FHIT: variants seen among roughly 807,000 people sequenced by gnomAD.
The protein encoded by FHIT is bis(5'-adenosyl)-triphosphatase.
In FHIT, 19 loss-of-function variants were observed where a neutral mutation model predicts 17.9. The ratio of observed to expected loss-of-function variants is 1.06; its 90% CI spans 0.74 to 1.56. FHIT has a LOEUF of 1.56. Among genes scored for constraint, FHIT ranks in the 40% most tolerant of loss-of-function variants. The pLI is 0.00. For missense variants in FHIT, 248 were observed against 189.2 expected (o/e 1.31, Z -1.82); for synonymous variants, 81 against 69.7 (o/e 1.16, Z -0.81).
chr3:60,973,246 A>G (rs1710098723), intron 3 of FHIT, among the ~76,000 whole-genome samples: 2 of 152,148 alleles, frequency 1.3e-5, no homozygotes, highest in Admixed American at 1.3e-4. Context: ...TGAGGCTGGT[A>G]TATTTCCAGT....
At chr3:60,608,588 T>A (rs76294372) in intron 4 of FHIT, among the ~76,000 whole-genome samples, 1 of 150,688 alleles carries the variant, frequency 6.6e-6, no homozygotes, top group Non-Finnish European at 1.5e-5. Context: ...TTATTTTTTT[T>A]CCCACCAGGA....
At chr3:60,065,719 G>C (rs888129888) in intron 5 of FHIT, among the ~76,000 whole-genome samples, 4 of 152,150 alleles carry the variant, frequency 2.6e-5, no homozygotes, top group Non-Finnish European at 4.4e-5. Flanking sequence ...AGGAAACTCT[G>C]CTCAGTTTGC....
At chr3:60,808,712 T>C (rs1701477767) in intron 4 of FHIT, among the ~76,000 whole-genome samples, 1 of 152,136 alleles carries the variant, frequency 6.6e-6, no homozygotes, top group Non-Finnish European at 1.5e-5. Context: ...ACTTTCCTTG[T>C]AAAGGTTAAA....
intron 5 of FHIT, among the ~76,000 whole-genome samples, chr3:60,397,994 C>T (rs543209616): frequency 6.6e-6 from 1 of 152,236 alleles, no homozygotes; most frequent in African/African-American, 2.4e-5. Context: ...AATTTTCCCA[C>T]TTTCGGGTAG....
At chr3:60,201,017 G>A (rs1313036283) in intron 5 of FHIT, among the ~76,000 whole-genome samples, 1 of 152,144 alleles carries the variant, frequency 6.6e-6, no homozygotes, top group Non-Finnish European at 1.5e-5. Flanking sequence ...CTAAAGTTCA[G>A]CTGGGAAGAC....
At chr3:60,087,804 TAAG>T (rs1157399590) in intron 5 of FHIT, among the ~76,000 whole-genome samples, 1 of 152,220 alleles carries the variant, frequency 6.6e-6, no homozygotes, top group Non-Finnish European at 1.5e-5. Flanking sequence ...AGCCATTCTC[TAAG>T]AAGTTCAACA....
intron 8 of FHIT, among the ~76,000 whole-genome samples, chr3:59,783,543 T>C (rs954409029): frequency 6.6e-6 from 1 of 152,178 alleles, no homozygotes; most frequent in Non-Finnish European, 1.5e-5. Flanking sequence ...CAGCCCTCTC[T>C]CTCTGCCATC....
Position 59,971,288 on chromosome 3 carries a change from C to T in FHIT, c.279+40083G>A, listed in dbSNP as rs1365205835. ...CTTTGATTAGCAGGTGCTTTGATAG[C>T]TGCAAGAATATTTTTTCTCAAAAAT... is the stretch of plus-strand genomic sequence containing the variant. On this transcript the variant is annotated intron_variant, in intron 7 of 9. Transcript: ENST00000492590. Among the ~76,000 whole-genome samples, 5 of 152,168 alleles carry T rather than the reference C, an allele frequency of 3.3e-5. No homozygotes were observed. In the East Asian group the frequency reaches 9.7e-4, roughly 29 times the overall value.
At chr3:60,014,669 T>A (rs1016855134) in intron 5 of FHIT, among the ~76,000 whole-genome samples, 1 of 152,162 alleles carries the variant, frequency 6.6e-6, no homozygotes, top group Admixed American at 6.5e-5. Flanking sequence ...TTTAAAAGAG[T>A]ATAGACATTC....
At chr3:59,895,410 T>G (rs1704027018) in intron 8 of FHIT, among the ~76,000 whole-genome samples, 2 of 152,254 alleles carry the variant, frequency 1.3e-5, no homozygotes. Flanking sequence ...GCTACCATTT[T>G]TCTTCACAGC....
Position 60,954,677 on chromosome 3 carries a change from C to T in FHIT, c.-111+87370G>A, listed in dbSNP as rs73836067. On this transcript the variant is annotated intron_variant, in intron 3 of 9. Transcript: ENST00000492590. ...ACAATAACAAATTATCAGAATCTAA[C>T]CATGGATTTCATTTTCCAAAAGAGG... is the stretch of plus-strand genomic sequence containing the variant. Among the ~76,000 whole-genome samples, 712 of 152,222 alleles carry T rather than the reference C, an allele frequency of 4.7e-3. 1 individual carries two copies. Among genetic ancestry groups the T allele is most frequent in the African/African-American group, 0.016 (679 of 41,540 alleles).
chr3:59,798,379 AAAG>A (rs1699864460), intron 8 of FHIT, among the ~76,000 whole-genome samples: 1 of 152,206 alleles, frequency 6.6e-6, no homozygotes, highest in Non-Finnish European at 1.5e-5. Context: ...TAGCAGGAGG[AAAG>A]AAGATTATAC....
intron 2 of FHIT, among the ~76,000 whole-genome samples, chr3:61,065,737 C>T (rs7610473): frequency 0.55 from 82,763 of 150,136 alleles, 23,746 homozygotes; most frequent in Non-Finnish European, 0.65. Flanking sequence ...ACCACTCTTT[C>T]ACTACCTCCC....
At chr3:60,391,408 C>T (rs1701227622) in intron 5 of FHIT, among the ~76,000 whole-genome samples, 1 of 152,162 alleles carries the variant, frequency 6.6e-6, no homozygotes, top group South Asian at 2.1e-4. Flanking sequence ...ACAAATTTAG[C>T]ATAGCCTAAG....
At chr3:60,209,850 C>T (rs1395532477) in intron 5 of FHIT, among the ~76,000 whole-genome samples, 4 of 152,002 alleles carry the variant, frequency 2.6e-5, no homozygotes, top group Admixed American at 6.6e-5. Flanking sequence ...CACCAAATAC[C>T]GCATGTTCTC....
At chr3:60,311,533 T>C (rs1447258644) in intron 5 of FHIT, among the ~76,000 whole-genome samples, 2 of 152,206 alleles carry the variant, frequency 1.3e-5, no homozygotes, top group African/African-American at 2.4e-5. Context: ...TGAGTGTATA[T>C]TAGGCAGGCA....
intron 2 of FHIT, among the ~76,000 whole-genome samples, chr3:61,131,592 T>C (rs1230536978): frequency 6.6e-6 from 1 of 152,218 alleles, no homozygotes; most frequent in East Asian, 1.9e-4. Context: ...ATAGCAGTCT[T>C]GTCAAGCTTG....
At chr3:60,320,170 C>T (rs921014765) in intron 5 of FHIT, among the ~76,000 whole-genome samples, 3 of 152,168 alleles carry the variant, frequency 2.0e-5, no homozygotes, top group Non-Finnish European at 2.9e-5. Flanking sequence ...GACACTCTTA[C>T]GTTGTTTATG....
At chr3:59,831,872 C>T (rs995701888) in intron 8 of FHIT, among the ~76,000 whole-genome samples, 55 of 151,980 alleles carry the variant, frequency 3.6e-4, no homozygotes, top group African/African-American at 1.3e-3. Flanking sequence ...GGTATTGCTC[C>T]CCTTTCACTC....
Sources: allele counts gnomAD v4.1 joint callset (sites outside exome capture counted in the v4.1 genomes callset), GRCh38; gene constraint gnomAD v4.1.1; transcripts MANE v1.5; gene names NCBI Gene and HGNC (gene_info 2026-07-23, HGNC 2026-07-21).